The following SLC22A15 variants were observed in gnomAD, a reference collection of about 807,000 sequenced individuals.
SLC22A15 encodes the protein flipt 1.
SLC22A15 carries 45 observed loss-of-function variants against 62.7 expected under a neutral mutation model. That is an observed-to-expected ratio of 0.72 (90% CI 0.56 to 0.92). The LOEUF (loss-of-function observed/expected upper bound fraction) is 0.92. Among genes scored for constraint, SLC22A15 ranks in the 40% least tolerant of loss-of-function variants. The pLI is 0.00. For synonymous variants in SLC22A15, 264 were observed against 267.0 expected (o/e 0.99, Z 0.11); for missense variants, 622 against 665.6 (o/e 0.93, Z 0.72).
chr1:116,027,576 A>G (rs1657158147), intron 5 of SLC22A15, among the ~76,000 whole-genome samples: 1 of 151,902 alleles, frequency 6.6e-6, no homozygotes, highest in Non-Finnish European at 1.5e-5. Context: ...GTGTCATACC[A>G]TGGCCCTCTA....
chr1:116,026,929 C>T lies in SLC22A15; in HGVS notation c.635C>T (p.Ala212Val). 6.2e-7 allele frequency: 1 copy of T among 1,613,684 alleles called. No individual in the cohort carries two copies. The highest frequency in any genetic ancestry group is 8.5e-7 in the Non-Finnish European group (1 of 1,179,764). ...GGCCTGTTCTTTGCAGTTGGCATTG[C>T]CCAATATGCCCTGTTAGGATACTTC... Reference protein sequence around the residue: ...IGGLFFAVGIAQYALLGYFIR... With the variant: ...IGGLFFAVGIVQYALLGYFIR... Residue 212 changes from alanine to valine, a missense_variant, in exon 5 of 12, where the codon GCC becomes GTC. By Grantham distance (64) the Ala-to-Val change is moderately conservative (BLOSUM62 0). Coordinates refer to ENST00000369503, the MANE Select transcript of SLC22A15 (RefSeq NM_018420.3).
At chr1:116,012,039 A>G (rs1181719871) in intron 2 of SLC22A15, among the ~76,000 whole-genome samples, 1 of 152,058 alleles carries the variant, frequency 6.6e-6, no homozygotes, top group East Asian at 1.9e-4. Context: ...GAGGGAAATG[A>G]CCCACTGCTT....
At chr1:115,999,066 C>G (rs1655577492) in intron 2 of SLC22A15, among the ~76,000 whole-genome samples, 2 of 151,928 alleles carry the variant, frequency 1.3e-5, no homozygotes, top group Admixed American at 6.6e-5. Flanking sequence ...GTTTCATTTC[C>G]TTGTGTTTGT....
At chr1:116,031,735 T>G (rs896037626) in intron 6 of SLC22A15, 154 bp downstream of exon 6, 77 of 1,443,314 alleles carry the variant, frequency 5.3e-5, no homozygotes, top group Middle Eastern at 2.5e-4. Context: ...CCTTAGCGCC[T>G]GGTTTTCTGC....
intron 2 of SLC22A15, among the ~76,000 whole-genome samples, 155 bp from the exon 3 acceptor site, chr1:116,019,427 T>C (rs1656705940): frequency 6.6e-6 from 1 of 152,250 alleles, no homozygotes; most frequent in Non-Finnish European, 1.5e-5. Context: ...AAAATCTGAT[T>C]GGACGTTGTC....
chr1:116,004,642 C>A (rs1345062949), intron 2 of SLC22A15, among the ~76,000 whole-genome samples: 3 of 152,050 alleles, frequency 2.0e-5, no homozygotes, highest in Admixed American at 2.0e-4. Flanking sequence ...CTGTAGTTTT[C>A]TTTTTTGATA....
At chr1:116,054,420 C>G (rs1658145842) in intron 8 of SLC22A15, among the ~76,000 whole-genome samples, 2 of 151,884 alleles carry the variant, frequency 1.3e-5, no homozygotes. Context: ...CCTGAGTGAC[C>G]TACAAAGAGA....
intron 5 of SLC22A15, among the ~76,000 whole-genome samples, chr1:116,027,522 T>C (rs1657155058): frequency 6.6e-6 from 1 of 152,130 alleles, no homozygotes; most frequent in African/African-American, 2.4e-5. Flanking sequence ...AGTGGCAGGA[T>C]GATTCCCTGG....
chr1:116,067,365 C>T lies in SLC22A15; in HGVS notation c.*257C>T. On this transcript the variant is annotated 3_prime_UTR_variant, in exon 12 of 12. Coordinates refer to ENST00000369503, the MANE Select transcript of SLC22A15 (RefSeq NM_018420.3). ...TTCTACTCAGAATCATAACATCTGG[C>T]AGAACAGCCCAAACCCACATTCCAA... The T allele has an allele frequency of 2.4e-6, 1 of 411,642 alleles. No individual in the cohort carries two copies. The highest frequency in any genetic ancestry group is 4.4e-6 in the Non-Finnish European group (1 of 229,594). The allele number at this position is 411,642 out of a possible 1,614,324, so 25.5% of individuals were successfully genotyped here.
At chr1:116,040,134 C>G (rs917254728) in intron 8 of SLC22A15, among the ~76,000 whole-genome samples, 3 of 152,190 alleles carry the variant, frequency 2.0e-5, no homozygotes, top group Non-Finnish European at 4.4e-5. Flanking sequence ...TTCGTGGAGA[C>G]TGTGACAATG....
In SLC22A15 at chr1:116,064,505, A is replaced by G. The variant is rs1658452731; in HGVS notation, c.1362A>G (p.Ser454=). 3.1e-6 allele frequency: 5 copies of G among 1,610,110 alleles called. No individual in the cohort carries two copies. Among genetic ancestry groups the G allele is most frequent in the Non-Finnish European group, 4.2e-6 (5 of 1,176,832 alleles). ...VGGIIAPFIP[S]LKYVQWSLPF... ...GGATTATTGCTCCCTTCATCCCCTC[A>G]CTGGTTGGTTTGTACCTTCTAGTTT... is the stretch of plus-strand genomic sequence containing the variant. The change falls in exon 10 of 12, where the codon TCA becomes TCG. Residue 454 remains serine, a synonymous_variant. Transcript: ENST00000369503.
rs569056264 is a variant in SLC22A15 at position 116,053,373 on chromosome 1, G to A, written c.1172-9389G>A. 5.4e-3 allele frequency among the ~76,000 whole-genome samples: 820 copies of A among 152,204 alleles called. 2 individuals carry two copies. The highest frequency in any genetic ancestry group is 0.019 in the African/African-American group (793 of 41,536). Reference sequence around the variant, plus strand: ...TAGAGAAAAAAGAATAAAAAGAAACGAACAAAGCCTCCAAGAAATATGGGA... The same window carrying A: ...TAGAGAAAAAAGAATAAAAAGAAACAAACAAAGCCTCCAAGAAATATGGGA... On this transcript the variant is annotated intron_variant, in intron 8 of 11. Transcript: ENST00000369503.
At chr1:116,043,571 T>A (rs901646579) in intron 8 of SLC22A15, among the ~76,000 whole-genome samples, 10 of 151,854 alleles carry the variant, frequency 6.6e-5, no homozygotes, top group Admixed American at 5.9e-4. Flanking sequence ...AGAAAGTAGA[T>A]AACAAATTTT....
chr1:116,041,171 C>T (rs931269034), intron 8 of SLC22A15, among the ~76,000 whole-genome samples: 2 of 152,168 alleles, frequency 1.3e-5, no homozygotes, highest in Admixed American at 1.3e-4. Context: ...TCCTTAGACT[C>T]AGCCCTAGTG....
chr1:115,976,638 AG>A lies in SLC22A15; in HGVS notation c.13del (p.Glu5ArgfsTer73), dbSNP rs1287153521. The A allele has an allele frequency of 7.0e-6, 11 of 1,582,636 alleles. No individual in the cohort carries two copies. The highest frequency in any genetic ancestry group is 6.0e-6 in the Non-Finnish European group (7 of 1,167,272). ...TGCGCGCGGCCCGCCATGGAGGTGGAGGAGGCGTTCCAGGCGGTGGGGGAGA... is the reference window on the plus strand; with the variant it reads ...TGCGCGCGGCCCGCCATGGAGGTGGAGAGGCGTTCCAGGCGGTGGGGGAGA... The part of the protein sequence containing the change: MEV[E>X]EAFQAVGEMG... On this transcript the variant is annotated frameshift_variant, in exon 1 of 12. Transcript: ENST00000369503. LOFTEE classifies it high-confidence loss of function.
intron 1 of SLC22A15, among the ~76,000 whole-genome samples, chr1:115,989,130 T>TG (rs1655026205): frequency 3.3e-5 from 5 of 151,242 alleles, no homozygotes; most frequent in Non-Finnish European, 7.4e-5. Context: ...TGTGTGTGTG[T>TG]TTGTGTGGGT....
At chr1:115,993,963 C>T (rs765758216) in intron 2 of SLC22A15, among the ~76,000 whole-genome samples, 13 of 152,320 alleles carry the variant, frequency 8.5e-5, no homozygotes, top group African/African-American at 1.9e-4. Flanking sequence ...AAATCCTTAT[C>T]TACCCTCTAA....
chr1:116,003,957 C>G (rs1655855699), intron 2 of SLC22A15, among the ~76,000 whole-genome samples: 1 of 152,212 alleles, frequency 6.6e-6, no homozygotes, highest in African/African-American at 2.4e-5. Flanking sequence ...CCTCAGGAAA[C>G]TGAACCTTAG....
At chr1:116,050,940 G>GAA (rs2101531646) in intron 8 of SLC22A15, among the ~76,000 whole-genome samples, 1 of 152,244 alleles carries the variant, frequency 6.6e-6, no homozygotes, top group African/African-American at 2.4e-5. Flanking sequence ...CAGCCAAGCA[G>GAA]AAAATCAAAT....
Sources: gnomAD v4.1 joint callset for allele counts (sites outside exome capture counted in the v4.1 genomes callset) on GRCh38, gnomAD v4.1.1 for gene constraint, MANE v1.5 for transcripts, NCBI Gene and HGNC (gene_info 2026-07-23, HGNC 2026-07-21) for gene names.